The following RBFOX1 variants were observed in gnomAD, a reference collection of about 807,000 sequenced individuals.
The protein encoded by RBFOX1 is RNA binding fox-1 homolog 1.
Under a neutral mutation model 57.7 loss-of-function variants are expected in RBFOX1, and 8 were observed. That is an observed-to-expected ratio of 0.14 (90% CI 0.08 to 0.25). The LOEUF is 0.25. RBFOX1 is among the 10% of genes least tolerant of loss of function. The pLI, the probability that RBFOX1 is intolerant of heterozygous loss-of-function variation, is 1.00. For synonymous variants in RBFOX1, 326 were observed against 222.4 expected (o/e 1.47, Z -4.15); for missense variants, 611 against 548.5 (o/e 1.11, Z -1.14).
chr16:6,634,172 A>G (rs978914705), intron 2 of RBFOX1, among the ~76,000 whole-genome samples: 6 of 152,232 alleles, frequency 3.9e-5, no homozygotes, highest in African/African-American at 9.6e-5. Context: ...CAGAATGGGT[A>G]GAAAAGTCAA....
intron 3 of RBFOX1, among the ~76,000 whole-genome samples, chr16:6,955,357 C>T (rs1341448329): frequency 6.6e-6 from 1 of 151,554 alleles, no homozygotes; most frequent in Non-Finnish European, 1.5e-5. Flanking sequence ...TGCACACACA[C>T]ACACACACAC....
At position 6,794,331 on chromosome 16, in the gene RBFOX1, C is replaced by G. The variant is rs867824310; in HGVS notation, c.-16+139681C>G. Among the ~76,000 whole-genome samples the G allele has an allele frequency of 3.0e-5, 4 of 132,088 alleles. No homozygotes were observed. In the East Asian group the frequency reaches 7.5e-4, roughly 25 times the overall value. The allele number at this position is 132,088 out of a possible 152,430, so 86.7% of individuals were successfully genotyped here. A position where few individuals can be genotyped will look rare whatever the true frequency, so the allele number is the denominator to read the frequency against. Reference sequence around the variant, plus strand: ...TGAAGGCATTCCAATCGGGCTAATACAAACATGAGGCATTCTCAAACTACA... The same window carrying G: ...TGAAGGCATTCCAATCGGGCTAATAGAAACATGAGGCATTCTCAAACTACA... On this transcript the variant is annotated intron_variant, in intron 3 of 15. Coordinates refer to ENST00000550418, the MANE Select transcript of RBFOX1 (RefSeq NM_018723.4).
intron 11 of RBFOX1, among the ~76,000 whole-genome samples, chr16:7,639,429 T>C (rs552201933): frequency 9.5e-4 from 145 of 152,324 alleles, no homozygotes; most frequent in African/African-American, 3.2e-3. Flanking sequence ...TTCTAGTTTT[T>C]AGTCCTTTGA....
chr16:6,635,125 A>G (rs2098421485), intron 2 of RBFOX1, among the ~76,000 whole-genome samples: 1 of 146,614 alleles, frequency 6.8e-6, no homozygotes, highest in South Asian at 2.1e-4. Context: ...GTAAGTATAC[A>G]TTATGTATTA....
At chr16:7,665,249 C>T (rs1337239889) in intron 13 of RBFOX1, among the ~76,000 whole-genome samples, 1 of 152,120 alleles carries the variant, frequency 6.6e-6, no homozygotes, top group Admixed American at 6.6e-5. Context: ...ACTAAAGACC[C>T]CACTTCACCC....
intron 4 of RBFOX1, among the ~76,000 whole-genome samples, chr16:5,877,080 G>A (rs2057631151): frequency 6.6e-6 from 1 of 152,154 alleles, no homozygotes; most frequent in Non-Finnish European, 1.5e-5. Context: ...TCCATGTAGG[G>A]CACTGTGCTC....
intron 3 of RBFOX1, among the ~76,000 whole-genome samples, chr16:7,018,745 A>C (rs968185531): frequency 3.3e-5 from 5 of 152,008 alleles, no homozygotes; most frequent in African/African-American, 1.2e-4. Context: ...CACATGTAAC[A>C]AACCTGCACG....
intron 1 of RBFOX1, among the ~76,000 whole-genome samples, chr16:6,303,805 C>CTTTTTT (rs1177185329): frequency 1.1e-3 from 74 of 70,388 alleles, no homozygotes; most frequent in Non-Finnish European, 1.3e-3. Context: ...GAAACCCTGT[C>CTTTTTT]TTTTTTTTTT....
chr16:7,046,885 C>T (rs993038083), intron 3 of RBFOX1, among the ~76,000 whole-genome samples: 4 of 151,934 alleles, frequency 2.6e-5, no homozygotes, highest in African/African-American at 7.3e-5. Flanking sequence ...GAATTACAGG[C>T]GTGAGCCCCT....
intron 3 of RBFOX1, among the ~76,000 whole-genome samples, chr16:6,833,597 A>T (rs1351300581): frequency 6.6e-6 from 1 of 152,204 alleles, no homozygotes; most frequent in Non-Finnish European, 1.5e-5. Context: ...TACACCTGTT[A>T]GTATGTTGTT....
intron 4 of RBFOX1, among the ~76,000 whole-genome samples, chr16:5,918,852 A>C (rs1489256211): frequency 1.3e-5 from 2 of 152,168 alleles, no homozygotes; most frequent in Non-Finnish European, 2.9e-5. Flanking sequence ...GCAACACTTG[A>C]CTTTTCCTGG....
chr16:6,233,927 A>G (rs2097485469), intron 1 of RBFOX1, among the ~76,000 whole-genome samples: 1 of 152,202 alleles, frequency 6.6e-6, no homozygotes, highest in Non-Finnish European at 1.5e-5. Context: ...CTGATAAAGA[A>G]CAGAAATGTA....
At chr16:6,972,353 C>T (rs1008289541) in intron 3 of RBFOX1, among the ~76,000 whole-genome samples, 1 of 152,036 alleles carries the variant, frequency 6.6e-6, no homozygotes, top group African/African-American at 2.4e-5. Context: ...AGCGTTTCTC[C>T]TTTCGTGACT....
In RBFOX1 at chr16:7,579,940, C is replaced by A. The variant is rs762873223; in HGVS notation, c.414+20C>A. On this transcript the variant is annotated intron_variant, in intron 6 of 15. Coordinates refer to ENST00000550418, the MANE Select transcript of RBFOX1 (RefSeq NM_018723.4). Reference sequence around the variant, plus strand: ...TTTGGTGTAAGTATCACCTTTCTTCCCAGCAGTGCCCGCTCTGGGGGTTCC... The same window carrying A: ...TTTGGTGTAAGTATCACCTTTCTTCACAGCAGTGCCCGCTCTGGGGGTTCC... 4.3e-6 allele frequency: 7 copies of A among 1,612,556 alleles called. No individual in the cohort carries two copies. The Admixed American group carries it at 1.0e-4, about 23-fold the overall frequency.
At chr16:6,516,625 T>C (rs56327236) in intron 2 of RBFOX1, among the ~76,000 whole-genome samples, 43,222 of 152,130 alleles carry the variant, frequency 0.28, 7,716 homozygotes, top group Non-Finnish European at 0.4. Context: ...AAAATACTTT[T>C]TTATTGAATA....
chr16:7,651,931 G>A (rs1227793524), intron 11 of RBFOX1, among the ~76,000 whole-genome samples: 1 of 152,198 alleles, frequency 6.6e-6, no homozygotes, highest in African/African-American at 2.4e-5. Context: ...GAGAGCACTG[G>A]GAGGGTTAGA....
chr16:6,780,420 TTA>T (rs1236604181), intron 3 of RBFOX1, among the ~76,000 whole-genome samples: 1 of 110,454 alleles, frequency 9.1e-6, no homozygotes, highest in Non-Finnish European at 1.7e-5. Flanking sequence ...TTATATATAT[TTA>T]TATATATTTA....
At chr16:5,388,309 T>A (rs1290149711) in intron 1 of RBFOX1, among the ~76,000 whole-genome samples, 1 of 152,088 alleles carries the variant, frequency 6.6e-6, no homozygotes, top group Non-Finnish European at 1.5e-5. Flanking sequence ...TTCTTTGTAG[T>A]GGGAGGCTTC....
intron 1 of RBFOX1, among the ~76,000 whole-genome samples, chr16:5,460,834 C>T (rs535188320): frequency 5.9e-5 from 9 of 152,252 alleles, no homozygotes; most frequent in African/African-American, 2.2e-4. Flanking sequence ...AATCTGAGTC[C>T]TAATCCCATT....
Sources: allele counts gnomAD v4.1 joint callset (sites outside exome capture counted in the v4.1 genomes callset), GRCh38; gene constraint gnomAD v4.1.1; transcripts MANE v1.5; gene names NCBI Gene and HGNC (gene_info 2026-07-23, HGNC 2026-07-21).